The following YME1L1 variants were observed in gnomAD, a reference collection of about 807,000 sequenced individuals.
The protein encoded by YME1L1 is ATP-dependent zinc metalloprotease YME1L1.
A neutral mutation model predicts 90.4 loss-of-function variants in YME1L1; 39 were observed. The ratio of observed to expected loss-of-function variants is 0.43; its 90% CI spans 0.33 to 0.56. The LOEUF (loss-of-function observed/expected upper bound fraction) is 0.56. Among genes scored for constraint, YME1L1 ranks in the 20% least tolerant of loss-of-function variants. The pLI is 0.03. For missense variants in YME1L1, 617 were observed against 868.4 expected (o/e 0.71, Z 3.64); for synonymous variants, 284 against 287.3 (o/e 0.99, Z 0.12).
Position 27,115,323 on chromosome 10 carries a change from C to T in YME1L1, c.1921-716G>A, listed in dbSNP as rs1308532297. Among the ~76,000 whole-genome samples the T allele has an allele frequency of 2.8e-5, 4 of 142,414 alleles. No individual in the cohort carries two copies. In the South Asian group the frequency reaches 6.7e-4, roughly 24 times the overall value. 93.4% of individuals were successfully genotyped at this position (142,414 alleles called of 152,430 possible). A position where few individuals can be genotyped will look rare whatever the true frequency, so the allele number is the denominator to read the frequency against. ...ATGAGCAAGACAGAACATTTAAAAT[C>T]TTTTTTTTTTTTTTTGGAGACAGGG... On this transcript the variant is annotated intron_variant, in intron 17 of 18. Coordinates refer to ENST00000376016, the MANE Select transcript of YME1L1 (RefSeq NM_014263.4).
At chr10:27,113,674 A>G (rs1477122864) in intron 18 of YME1L1, among the ~76,000 whole-genome samples, 2 of 146,454 alleles carry the variant, frequency 1.4e-5, no homozygotes, top group South Asian at 4.2e-4. Flanking sequence ...CTCTGTCTCA[A>G]AAAAAAAAAA....
chr10:27,143,915 C>G (rs1303288751), intron 3 of YME1L1, among the ~76,000 whole-genome samples: 1 of 152,128 alleles, frequency 6.6e-6, no homozygotes, highest in South Asian at 2.1e-4. Flanking sequence ...CTTCACTGAT[C>G]CTTCCTAACT....
chr10:27,151,882 A>C (rs1278640363), intron 1 of YME1L1, among the ~76,000 whole-genome samples: 1 of 92,070 alleles, frequency 1.1e-5, no homozygotes, highest in African/African-American at 4.9e-5. Flanking sequence ...CTCCATCTTA[A>C]AAAAAAAAAA....
chr10:27,131,894 G>A lies in YME1L1; in HGVS notation c.823C>T (p.Gln275Ter), dbSNP rs1386196278. 6.2e-7 allele frequency: 1 copy of A among 1,612,736 alleles called. No individual in the cohort carries two copies. Among genetic ancestry groups the A allele is most frequent in the East Asian group, 2.2e-5 (1 of 44,854 alleles). The part of the protein sequence containing the change: ...TGLDSAVDPV[Q>*]MKNVTFEHVK... ...TGTTCAAAGGTGACATTTTTCATCT[G>A]GACAGGATCTACTGCAGAATCAAGC... Residue 275 changes from glutamine (Q) to a stop codon, truncating the protein, a stop_gained, in exon 8 of 19, where the codon CAG becomes TAG. Coordinates refer to ENST00000376016, the MANE Select transcript of YME1L1 (RefSeq NM_014263.4). LOFTEE classifies it high-confidence loss of function.
chr10:27,112,356 A>C (rs951784789), intron 18 of YME1L1, among the ~76,000 whole-genome samples: 5 of 152,168 alleles, frequency 3.3e-5, no homozygotes, highest in African/African-American at 1.2e-4. Context: ...ACACTCTCTA[A>C]ACCTTTCCAT....
At chr10:27,119,875 C>T (rs564466064) in intron 13 of YME1L1, among the ~76,000 whole-genome samples, 16 of 151,664 alleles carry the variant, frequency 1.1e-4, no homozygotes, top group African/African-American at 3.9e-4. Flanking sequence ...GCTAGCTATT[C>T]TGAGCCATAG....
intron 13 of YME1L1, among the ~76,000 whole-genome samples, chr10:27,119,694 A>G (rs2056847198): frequency 6.6e-6 from 1 of 152,150 alleles, no homozygotes; most frequent in Admixed American, 6.5e-5. Flanking sequence ...CTGTAATCCC[A>G]GCTATTCAGA....
chr10:27,123,601 C>G lies in YME1L1; in HGVS notation c.1048G>C (p.Glu350Gln), dbSNP rs2056887867. 6.2e-7 allele frequency: 1 copy of G among 1,613,740 alleles called. No individual in the cohort carries two copies. The highest frequency in any genetic ancestry group is 1.3e-5 in the African/African-American group (1 of 74,890). Residue 350 changes from glutamate (E) to glutamine (Q), a missense_variant, in exon 10 of 19, where the codon GAA becomes CAA. By Grantham distance (29) the Glu-to-Gln change is conservative. Coordinates refer to ENST00000376016, the MANE Select transcript of YME1L1 (RefSeq NM_014263.4). ...DVPFYYASGS[E>Q]FDEMFVGVGA... Reference sequence around the variant, plus strand: ...ACACCCACAAACATCTCATCAAATTCGGATCCAGAAGCATAATAAAAAGGA... The same window carrying G: ...ACACCCACAAACATCTCATCAAATTGGGATCCAGAAGCATAATAAAAAGGA...
At chr10:27,116,387 G>T (rs374141446) in intron 15 of YME1L1, 42 bp from the exon 16 acceptor site, 3 of 1,605,382 alleles carry the variant, frequency 1.9e-6, no homozygotes, top group African/African-American at 2.7e-5. Context: ...TAAGCAAAGA[G>T]GCTGGGTGCG....
At chr10:27,115,783 CTCTT>C (rs1213973036) in intron 17 of YME1L1, among the ~76,000 whole-genome samples, 2 of 152,292 alleles carry the variant, frequency 1.3e-5, no homozygotes, top group East Asian at 3.9e-4. Flanking sequence ...AGAAAGTAGA[CTCTT>C]TCATGCCACA....
At chr10:27,152,774 A>G (rs1259758293) in intron 1 of YME1L1, among the ~76,000 whole-genome samples, 1 of 145,616 alleles carries the variant, frequency 6.9e-6, no homozygotes, top group Non-Finnish European at 1.5e-5. Context: ...AATATATCTC[A>G]TTCTCTTCTT....
At chr10:27,132,890 T>C (rs2056991386) in intron 7 of YME1L1, among the ~76,000 whole-genome samples, 1 of 152,086 alleles carries the variant, frequency 6.6e-6, no homozygotes, top group African/African-American at 2.4e-5. Context: ...GTTAATAAAA[T>C]CAAAAATTAT....
At chr10:27,139,160 C>T (rs139368530) in intron 4 of YME1L1, among the ~76,000 whole-genome samples, 193 of 151,984 alleles carry the variant, frequency 1.3e-3, no homozygotes, top group African/African-American at 4.3e-3. Flanking sequence ...GTCGTGCTTG[C>T]GTGTGTATAT....
intron 1 of YME1L1, among the ~76,000 whole-genome samples, chr10:27,152,286 A>G (rs1351862128): frequency 6.6e-6 from 1 of 152,238 alleles, no homozygotes; most frequent in African/African-American, 2.4e-5. Context: ...AAAAGGATTT[A>G]GAGTTGAGCT....
At position 27,130,126 on chromosome 10, in the gene YME1L1, A is replaced by G. The variant is rs79948314; in HGVS notation, c.858+1733T>C. ...ACATTGCTCTTTATCAGGTACACCA[A>G]TGACCTACTGCTAAATCAAATGGTT... is the stretch of plus-strand genomic sequence containing the variant. On this transcript the variant is annotated intron_variant, in intron 8 of 18. Coordinates refer to ENST00000376016, the MANE Select transcript of YME1L1 (RefSeq NM_014263.4). 6.0e-3 allele frequency among the ~76,000 whole-genome samples: 918 copies of G among 152,318 alleles called. 41 individuals are homozygous for G. In the East Asian group the frequency reaches 0.12, roughly 19 times the overall value.
At chr10:27,136,735 ATTT>A (rs2057032088) in intron 4 of YME1L1, among the ~76,000 whole-genome samples, 4 of 74,252 alleles carry the variant, frequency 5.4e-5, no homozygotes, top group African/African-American at 1.5e-4. Context: ...TTATTTATTT[ATTT>A]ATTTATTTGA....
At chr10:27,151,445 G>A (rs1012919614) in intron 1 of YME1L1, among the ~76,000 whole-genome samples, 1 of 152,214 alleles carries the variant, frequency 6.6e-6, no homozygotes, top group East Asian at 1.9e-4. Context: ...CGCCATTATT[G>A]TGGGTACAGA....
At chr10:27,114,366 T>A (rs914925657) in intron 18 of YME1L1, among the ~76,000 whole-genome samples, 155 bp downstream of exon 18, 2 of 152,218 alleles carry the variant, frequency 1.3e-5, no homozygotes, top group Non-Finnish European at 2.9e-5. Flanking sequence ...CTTTATTTTT[T>A]AATTTTTTCC....
chr10:27,119,493 TAA>T (rs761421152), intron 13 of YME1L1, 44 bp from the exon 14 acceptor site: 98 of 1,562,698 alleles, frequency 6.3e-5, no homozygotes, highest in South Asian at 5.3e-4. Flanking sequence ...CTAAAACAGG[TAA>T]AAGAAAGCTC....
Sources: gnomAD v4.1 joint callset for allele counts (sites outside exome capture counted in the v4.1 genomes callset) on GRCh38, gnomAD v4.1.1 for gene constraint, MANE v1.5 for transcripts, NCBI Gene and HGNC (gene_info 2026-07-23, HGNC 2026-07-21) for gene names.